FUNDC2: variants seen among roughly 807,000 people sequenced by gnomAD.
FUNDC2 encodes FUN14 domain-containing protein 2.
In FUNDC2, 4 loss-of-function variants were observed where a neutral mutation model predicts 15.6. The observed-to-expected ratio is 0.26, with a 90% confidence interval of 0.13 to 0.59. FUNDC2 has a LOEUF of 0.59. Among genes scored for constraint, FUNDC2 ranks in the 20% least tolerant of loss-of-function variants. The pLI is 0.90. For synonymous variants in FUNDC2, 44 were observed against 56.9 expected (o/e 0.77, Z 1.02); for missense variants, 98 against 149.7 (o/e 0.65, Z 1.80).
chrX:155,047,251 G>A, intron 3 of FUNDC2: 1 of 333,235 alleles, frequency 3.0e-6, no homozygotes. Context: ...CTGACCCACA[G>A]TCTGATTTCA....
At chrX:155,054,120 G>C in intron 4 of FUNDC2, 1 of 752,318 alleles carries the variant, frequency 1.3e-6, no homozygotes. Flanking sequence ...TTTCAGGGGG[G>C]AATGCATGGA....
At chrX:155,048,376 A>G (rs781946484) in intron 3 of FUNDC2, among the ~76,000 whole-genome samples, 1 of 111,940 alleles carries the variant, frequency 8.9e-6, no homozygotes, top group East Asian at 2.8e-4. Context: ...CCATACTGAT[A>G]ATTGAGCAGA....
In FUNDC2 at chrX:155,055,660, A is replaced by G; in HGVS notation, c.*988A>G. 6.2e-6 allele frequency: 1 copy of G among 160,731 alleles called. No homozygotes were observed. The highest frequency in any genetic ancestry group is 1.2e-4 in the East Asian group (1 of 8,235). The allele number at this position is 160,731 out of a possible 1,213,427, so 13.2% of individuals were successfully genotyped here. On this transcript the variant is annotated 3_prime_UTR_variant, in exon 5 of 5. Coordinates refer to ENST00000369498, the MANE Select transcript of FUNDC2 (RefSeq NM_023934.4). ...CACACACGGGCACACACGCACACAC[A>G]GAATCTTACCACATTTTGCTGTAGT...
chrX:155,029,092 A>C (rs2073805905), intron 1 of FUNDC2, among the ~76,000 whole-genome samples: 1 of 111,855 alleles, frequency 8.9e-6, no homozygotes, highest in South Asian at 3.7e-4. Flanking sequence ...TTCCTACAGA[A>C]TGCAGTGGAA....
chrX:155,032,434 C>A (rs782718181), intron 1 of FUNDC2, among the ~76,000 whole-genome samples: 4 of 108,272 alleles, frequency 3.7e-5, no homozygotes, highest in African/African-American at 1.3e-4. Flanking sequence ...GTGCCACCAC[C>A]CCCGGCTAAT....
At chrX:155,030,683 CTTTT>C (rs369740085) in intron 1 of FUNDC2, among the ~76,000 whole-genome samples, 10,758 of 85,518 alleles carry the variant, frequency 0.13, 647 homozygotes, top group African/African-American at 0.23. Flanking sequence ...CTATTTTCTA[CTTTT>C]TTTTTTTTTT....
chrX:155,041,868 A>G (rs2073847042), intron 2 of FUNDC2, among the ~76,000 whole-genome samples: 1 of 108,749 alleles, frequency 9.2e-6, no homozygotes, highest in Non-Finnish European at 1.9e-5. Context: ...GGAGATCGAG[A>G]CCATCCTGAC....
intron 2 of FUNDC2, among the ~76,000 whole-genome samples, chrX:155,042,234 T>C (rs1286558970): frequency 1.2e-5 from 1 of 83,409 alleles, no homozygotes; most frequent in Non-Finnish European, 2.2e-5. Context: ...TCACCCAGAC[T>C]GGAATGCAGT....
chrX:155,046,934 C>T (rs1039830683), intron 3 of FUNDC2: 3 of 217,995 alleles, frequency 1.4e-5, no homozygotes, highest in African/African-American at 8.7e-5. Context: ...AATATTATAG[C>T]TAGCTTTCAC....
chrX:155,046,234 C>T (rs1557290024), intron 2 of FUNDC2, among the ~76,000 whole-genome samples: 2 of 110,929 alleles, frequency 1.8e-5, no homozygotes, highest in Admixed American at 9.6e-5. Flanking sequence ...TCTCTGCCTT[C>T]GTCCTCCCCC....
intron 3 of FUNDC2, chrX:155,048,992 A>G (rs915053548): frequency 1.8e-5 from 2 of 112,687 alleles, no homozygotes; most frequent in Non-Finnish European, 3.7e-5. Flanking sequence ...GGTTTTGTCT[A>G]TAAAATCTTT....
rs782731682 is a variant in FUNDC2, at chrX:155,057,963, G to A, written c.*3291G>A. ...CATTGCTGACACGGGAGCTGGGTGC[G>A]GGGAGAGATGTGGTGGTGGGGACCC... On this transcript the variant is annotated 3_prime_UTR_variant, in exon 5 of 5. Coordinates refer to ENST00000369498, the MANE Select transcript of FUNDC2 (RefSeq NM_023934.4). 3 of 111,217 alleles carry A rather than the reference G, an allele frequency of 2.7e-5. No individual in the cohort carries two copies. Among genetic ancestry groups the A allele is most frequent in the South Asian group, 3.8e-4 (1 of 2,604 alleles). 9.2% of individuals were successfully genotyped at this position (111,217 alleles called of 1,213,427 possible). A position where few individuals can be genotyped will look rare whatever the true frequency, so the allele number is the denominator to read the frequency against.
chrX:155,046,412 C>A, intron 2 of FUNDC2, 97 bp from the exon 3 acceptor site: 1 of 742,536 alleles, frequency 1.3e-6, no homozygotes, highest in Non-Finnish European at 2.1e-6. Flanking sequence ...GGAGCTAGGT[C>A]ATCTTAAGCT....
Position 155,029,543 on chromosome X carries a change from C to T in FUNDC2, c.133+2472C>T, listed in dbSNP as rs12688147. ...CTGAGGCAGGCGGATCACCTGAGGT[C>T]GGGAGTTTGAGATCAGCCTGACCAA... is the stretch of plus-strand genomic sequence containing the variant. On this transcript the variant is annotated intron_variant, in intron 1 of 4. Transcript: ENST00000369498. Among the ~76,000 whole-genome samples, 11 of 108,892 alleles carry T rather than the reference C, an allele frequency of 1.0e-4. No individual in the cohort carries two copies. In the East Asian group the frequency reaches 2.6e-3, roughly 25 times the overall value. The allele number at this position is 108,892 out of a possible 115,157, so 94.6% of individuals were successfully genotyped here.
chrX:155,056,769 G>C lies in FUNDC2; in HGVS notation c.*2097G>C, dbSNP rs1445679197. 1 of 111,435 alleles carries C rather than the reference G, an allele frequency of 9.0e-6. No homozygotes were observed. Among genetic ancestry groups the C allele is most frequent in the Non-Finnish European group, 1.9e-5 (1 of 53,103 alleles). The allele number at this position is 111,435 out of a possible 1,213,427, so 9.2% of individuals were successfully genotyped here. On this transcript the variant is annotated 3_prime_UTR_variant, in exon 5 of 5. Transcript: ENST00000369498. ...TCTGTGCCCCTTTGGGTTGCATGTG[G>C]GGAGACTGGCCACCCAATGCCTCTC...
At chrX:155,051,571 G>T (rs2073879706) in intron 3 of FUNDC2, 99 bp from the exon 4 acceptor site, 1 of 942,858 alleles carries the variant, frequency 1.1e-6, no homozygotes. Context: ...AAAATGGAAA[G>T]TCAGAGGGTT....
At chrX:155,053,419 A>C (rs1203157326) in intron 4 of FUNDC2, among the ~76,000 whole-genome samples, 1 of 111,823 alleles carries the variant, frequency 8.9e-6, no homozygotes, top group Non-Finnish European at 1.9e-5. Context: ...CAGTGAGAAC[A>C]GTTTGGTGGG....
At chrX:155,054,325 C>T (rs2073887323) in intron 4 of FUNDC2, 2 of 751,840 alleles carry the variant, frequency 2.7e-6, no homozygotes, top group South Asian at 6.9e-5. Flanking sequence ...GCCATTGTCT[C>T]TACCTCCTGA....
chrX:155,042,668 C>T (rs2073851496), intron 2 of FUNDC2, among the ~76,000 whole-genome samples: 1 of 111,377 alleles, frequency 9.0e-6, no homozygotes, highest in Non-Finnish European at 1.9e-5. Flanking sequence ...ATACTGTTTA[C>T]TTTTTAGAAA....
Sources: gnomAD v4.1 joint callset for allele counts (sites outside exome capture counted in the v4.1 genomes callset) on GRCh38, gnomAD v4.1.1 for gene constraint, MANE v1.5 for transcripts, NCBI Gene and HGNC (gene_info 2026-07-23, HGNC 2026-07-21) for gene names.